The following RANBP17 variants were observed in gnomAD, a reference collection of about 807,000 sequenced individuals.
The protein encoded by RANBP17 is ran-binding protein 17.
A neutral mutation model predicts 141.2 loss-of-function variants in RANBP17; 158 were observed. The observed-to-expected ratio is 1.12, with a 90% confidence interval of 0.98 to 1.28. The LOEUF (loss-of-function observed/expected upper bound fraction) is 1.28. Among genes scored for constraint, RANBP17 ranks in the 50% most tolerant of loss-of-function variants. The pLI is 0.00. For synonymous variants in RANBP17, 430 were observed against 450.0 expected (o/e 0.96, Z 0.56); for missense variants, 1,438 against 1,290.7 (o/e 1.11, Z -1.75).
chr5:171,123,267 C>A (rs1756178333), intron 14 of RANBP17, among the ~76,000 whole-genome samples: 1 of 152,144 alleles, frequency 6.6e-6, no homozygotes, highest in African/African-American at 2.4e-5. Context: ...CACATGTCAT[C>A]CAGGGACCCA....
rs537029611 is a variant in RANBP17 at position 171,243,053 on chromosome 5, C to T, written c.2776+233C>T. On this transcript the variant is annotated intron_variant, in intron 24 of 27. Coordinates refer to ENST00000523189, the MANE Select transcript of RANBP17 (RefSeq NM_022897.5). ...GGTATAATTTACATACAATAAAATT[C>T]AGTGACTTTAAGTGGATAGTTCAGT... 1.8e-5 allele frequency: 9 copies of T among 504,780 alleles called. No individual in the cohort carries two copies. The South Asian group carries it at 2.1e-4, about 12-fold the overall frequency. The allele number at this position is 504,780 out of a possible 1,614,324, so 31.3% of individuals were successfully genotyped here. A position where few individuals can be genotyped will look rare whatever the true frequency, so the allele number is the denominator to read the frequency against.
intron 14 of RANBP17, among the ~76,000 whole-genome samples, chr5:171,112,135 C>G (rs895335357): frequency 6.6e-6 from 1 of 152,088 alleles, no homozygotes; most frequent in African/African-American, 2.4e-5. Context: ...GTTCTTACTT[C>G]TGTTCATGAT....
chr5:170,963,711 C>T (rs1005425583), intron 13 of RANBP17, among the ~76,000 whole-genome samples: 2 of 152,132 alleles, frequency 1.3e-5, no homozygotes, highest in African/African-American at 4.8e-5. Context: ...GGAGCTCAGG[C>T]GATAATGCTT....
intron 24 of RANBP17, 31 bp downstream of exon 24, chr5:171,242,851 G>A: frequency 6.2e-7 from 1 of 1,601,536 alleles, no homozygotes. Context: ...TGTTTCCATA[G>A]GAAAAACTTG....
intron 13 of RANBP17, among the ~76,000 whole-genome samples, chr5:170,967,352 C>T (rs1227264339): frequency 6.6e-6 from 1 of 151,980 alleles, no homozygotes; most frequent in Non-Finnish European, 1.5e-5. Flanking sequence ...TGGGTCAGGC[C>T]TAGACAGAGC....
At chr5:170,883,959 A>G (rs912449884) in intron 3 of RANBP17, among the ~76,000 whole-genome samples, 1 of 152,184 alleles carries the variant, frequency 6.6e-6, no homozygotes, top group Non-Finnish European at 1.5e-5. Context: ...GCTCCCTTGG[A>G]TAAATACCTT....
At chr5:171,230,614 TAGTC>T (rs1764152151) in intron 22 of RANBP17, among the ~76,000 whole-genome samples, 2 of 151,848 alleles carry the variant, frequency 1.3e-5, no homozygotes, top group African/African-American at 4.8e-5. Context: ...TACAAAAAAT[TAGTC>T]AGGTGTGGTG....
intron 14 of RANBP17, among the ~76,000 whole-genome samples, chr5:171,072,062 A>G (rs1784665568): frequency 6.6e-6 from 1 of 152,126 alleles, no homozygotes; most frequent in Non-Finnish European, 1.5e-5. Flanking sequence ...TAGGAAGAAT[A>G]ATGCCCCCAC....
At chr5:171,040,704 G>A (rs181946117) in intron 14 of RANBP17, among the ~76,000 whole-genome samples, 6 of 152,224 alleles carry the variant, frequency 3.9e-5, no homozygotes, top group Admixed American at 2.6e-4. Context: ...GAAGACCTTA[G>A]GAGAAGCTTG....
intron 13 of RANBP17, among the ~76,000 whole-genome samples, chr5:170,965,242 G>A (rs1467857722): frequency 1.2e-5 from 1 of 86,512 alleles, no homozygotes; most frequent in Non-Finnish European, 2.8e-5. Context: ...TTTTGATGGG[G>A]TTGTTTTTTT....
chr5:170,874,169 C>A (rs972969373), intron 1 of RANBP17, among the ~76,000 whole-genome samples: 23 of 152,140 alleles, frequency 1.5e-4, no homozygotes, highest in African/African-American at 5.3e-4. Context: ...GTTTCTTAAT[C>A]TTGAGTTCTA....
At chr5:171,254,354 T>C (rs923632554) in intron 24 of RANBP17, among the ~76,000 whole-genome samples, 1 of 152,162 alleles carries the variant, frequency 6.6e-6, no homozygotes, top group African/African-American at 2.4e-5. Context: ...TGTTCCAAGT[T>C]GAGGTCATGC....
Position 171,221,843 on chromosome 5 carries a change from G to A in RANBP17, c.2422+3G>A. The A allele has an allele frequency of 6.5e-7, 1 of 1,547,636 alleles. No homozygotes were observed. The highest frequency in any genetic ancestry group is 8.9e-7 in the Non-Finnish European group (1 of 1,121,290). ...TAGTAAAATGGTTTGCACTTATGGTGAGTGTCCTTTTCCATATGTGCCTCT... is the reference window on the plus strand; with the variant it reads ...TAGTAAAATGGTTTGCACTTATGGTAAGTGTCCTTTTCCATATGTGCCTCT... On this transcript the variant is annotated splice_donor_region_variant and intron_variant, in intron 22 of 27. Transcript: ENST00000523189.
At chr5:171,175,267 C>A (rs1171355355) in intron 16 of RANBP17, among the ~76,000 whole-genome samples, 1 of 152,176 alleles carries the variant, frequency 6.6e-6, no homozygotes, top group Non-Finnish European at 1.5e-5. Flanking sequence ...CATACGTGTG[C>A]ATGTGTCTTT....
At chr5:171,017,371 C>T (rs1345247965) in intron 14 of RANBP17, among the ~76,000 whole-genome samples, 2 of 152,302 alleles carry the variant, frequency 1.3e-5, no homozygotes, top group East Asian at 1.9e-4. Flanking sequence ...TTCCCACCAA[C>T]AGCGTAAAAG....
chr5:170,976,867 T>A (rs1777413052), intron 14 of RANBP17, among the ~76,000 whole-genome samples: 1 of 152,074 alleles, frequency 6.6e-6, no homozygotes, highest in South Asian at 2.1e-4. Context: ...TAACTCAAAA[T>A]GAATCAGATC....
intron 22 of RANBP17, among the ~76,000 whole-genome samples, chr5:171,231,999 A>C (rs1253380578): frequency 6.6e-6 from 1 of 152,196 alleles, no homozygotes; most frequent in Non-Finnish European, 1.5e-5. Flanking sequence ...CAACCATTAA[A>C]AATTATCTTT....
chr5:171,105,242 C>T (rs1281464678), intron 14 of RANBP17, among the ~76,000 whole-genome samples: 3 of 149,786 alleles, frequency 2.0e-5, no homozygotes, highest in Non-Finnish European at 4.4e-5. Flanking sequence ...ATTAGCCGGG[C>T]GTAGTGGCGG....
chr5:170,921,605 C>T (rs895580854), intron 11 of RANBP17, among the ~76,000 whole-genome samples: 4 of 152,108 alleles, frequency 2.6e-5, no homozygotes, highest in African/African-American at 4.8e-5. Context: ...TTTAAAGTAG[C>T]TTTTTCCAAT....
Sources: gnomAD v4.1 joint callset for allele counts (sites outside exome capture counted in the v4.1 genomes callset) on GRCh38, gnomAD v4.1.1 for gene constraint, MANE v1.5 for transcripts, NCBI Gene and HGNC (gene_info 2026-07-23, HGNC 2026-07-21) for gene names.